TGM3: variants seen among roughly 807,000 people sequenced by gnomAD.
The protein encoded by TGM3 is protein-glutamine gamma-glutamyltransferase E.
Under a neutral mutation model 73.8 loss-of-function variants are expected in TGM3, and 52 were observed. The ratio of observed to expected loss-of-function variants is 0.70; its 90% CI spans 0.56 to 0.89. TGM3 has a LOEUF of 0.89. Among genes scored for constraint, TGM3 ranks in the 40% least tolerant of loss-of-function variants. TGM3 has a pLI of 0.00. For synonymous variants in TGM3, 372 were observed against 354.9 expected (o/e 1.05, Z -0.54); for missense variants, 928 against 909.9 (o/e 1.02, Z -0.26).
chr20:2,310,887 GGAGGGCTAAA>G, intron 3 of TGM3, 114 bp from the exon 4 acceptor site: 1 of 785,738 alleles, frequency 1.3e-6, no homozygotes, highest in Non-Finnish European at 2.2e-6. Context: ...AAGGGTCAGG[GGAGGGCTAAA>G]GGTGGGGCTT....
rs962175101 is a variant in TGM3 at position 2,332,233 on chromosome 20, G to A, written c.1565G>A (p.Trp522Ter). Residue 522 changes from tryptophan (W) to a stop codon, truncating the protein, a stop_gained, in exon 10 of 13, where the codon TGG (tryptophan) becomes TAG (stop). Transcript: ENST00000381458. LOFTEE classifies it high-confidence loss of function. This position sits in a 1 kb window ranked among gnomAD's most constrained non-coding sequence, Gnocchi z 4.4. ...TKTVTVNMTA[W>*]TIIYNGTLVH... ...ACAGTGACAGTGAACATGACAGCCT[G>A]GACCATCATCTACAACGGCACGCTT... The A allele has an allele frequency of 1.2e-6, 2 of 1,613,978 alleles. No individual in the cohort carries two copies. Among genetic ancestry groups the A allele is most frequent in the Admixed American group, 1.7e-5 (1 of 59,990 alleles).
chr20:2,315,972 T>C, intron 5 of TGM3, among the ~76,000 whole-genome samples: 1 of 152,194 alleles, frequency 6.6e-6, no homozygotes, highest in East Asian at 1.9e-4. Context: ...AATTACCTCT[T>C]CAAGGCTGGT....
In TGM3 at chr20:2,312,919, A is replaced by C; in HGVS notation, c.562A>C (p.Ile188Leu). The change falls in exon 5 of 13, where the codon ATC (isoleucine) becomes CTC (leucine). Residue 188 changes from isoleucine to leucine, a missense_variant. Transcript: ENST00000381458. The part of the protein sequence containing the change: ...FGQFEEDILS[I>L]CLSILDRSLN... ...ACAGTTTGAAGAAGACATTCTCAGC[A>C]TCTGCCTCTCAATCTTGGATAGGAG... The C allele has an allele frequency of 6.2e-7, 1 of 1,614,138 alleles. No individual in the cohort carries two copies. The highest frequency in any genetic ancestry group is 2.2e-5 in the East Asian group (1 of 44,866).
chr20:2,329,492 CA>C (rs2122243149), intron 9 of TGM3, among the ~76,000 whole-genome samples: 1 of 152,302 alleles, frequency 6.6e-6, no homozygotes, highest in African/African-American at 2.4e-5. Flanking sequence ...GACCTTTGCT[CA>C]GTCAATAAAC....
chr20:2,313,904 G>A (rs138990261), intron 5 of TGM3, among the ~76,000 whole-genome samples: 4 of 152,062 alleles, frequency 2.6e-5, no homozygotes, highest in South Asian at 2.1e-4. Flanking sequence ...AGGCAGACAC[G>A]GTGGCTCACA....
chr20:2,310,206 G>C lies in TGM3; in HGVS notation c.210G>C (p.Thr70=). The change falls in exon 3 of 13, where the codon ACG becomes ACC. Residue 70 remains threonine (T), a synonymous_variant. Coordinates refer to ENST00000381458, the MANE Select transcript of TGM3 (RefSeq NM_003245.4). ...TGPYPSESAM[T]KAVFPLSNGS... is the part of the protein sequence containing the mutation. ...CTTACCCCTCAGAGTCGGCCATGAC[G>C]AAGGCTGTGTTTCCACTCTCCAATG... is the stretch of plus-strand genomic sequence containing the variant. 1 of 1,614,186 alleles carries C rather than the reference G, an allele frequency of 6.2e-7. No homozygotes were observed. Among genetic ancestry groups the C allele is most frequent in the East Asian group, 2.2e-5 (1 of 44,888 alleles).
chr20:2,324,491 CCT>C (rs2084276641), intron 7 of TGM3, among the ~76,000 whole-genome samples: 1 of 152,188 alleles, frequency 6.6e-6, no homozygotes, highest in East Asian at 1.9e-4. Flanking sequence ...GTTTTGGCTG[CCT>C]ATCTTGGGTC....
At chr20:2,338,192 C>G (rs1185060528) in intron 11 of TGM3, among the ~76,000 whole-genome samples, 1 of 152,110 alleles carries the variant, frequency 6.6e-6, no homozygotes, top group African/African-American at 2.4e-5. Context: ...ACCACAAAAC[C>G]AGGCCAAAAA....
At chr20:2,306,820 A>T (rs960686082) in intron 1 of TGM3, among the ~76,000 whole-genome samples, 2 of 152,240 alleles carry the variant, frequency 1.3e-5, no homozygotes, top group Middle Eastern at 3.4e-3. Flanking sequence ...ACCAAATCTC[A>T]ACTGGCTGGG....
Position 2,311,103 on chromosome 20 carries a change from G to C in TGM3, c.514G>C (p.Gly172Arg). 6.2e-7 allele frequency: 1 copy of C among 1,614,124 alleles called. No homozygotes were observed. The highest frequency in any genetic ancestry group is 8.5e-7 in the Non-Finnish European group (1 of 1,179,976). Residue 172 changes from glycine to arginine, a missense_variant, in exon 4 of 13, where the codon GGC becomes CGC. Physicochemically the swap from Gly to Arg is moderately radical, Grantham distance 125. Coordinates refer to ENST00000381458, the MANE Select transcript of TGM3 (RefSeq NM_003245.4). Reference sequence around the variant, plus strand: ...CTTTGTGGGAAGCACAAACCGAATTGGCATGATTGGCTGGAACTTTGGACA... The same window carrying C: ...CTTTGTGGGAAGCACAAACCGAATTCGCATGATTGGCTGGAACTTTGGACA... ...IIFVGSTNRI[G>R]MIGWNFGQFE...
intron 1 of TGM3, among the ~76,000 whole-genome samples, chr20:2,302,714 T>TATAAAAAAAAAAA (rs2084155437): frequency 9.5e-6 from 1 of 105,262 alleles, no homozygotes; most frequent in Non-Finnish European, 1.9e-5. Flanking sequence ...AGAGGTTTTC[T>TATAAAAAAAAAAA]AAAAAAAAAA....
chr20:2,314,657 G>A lies in TGM3; in HGVS notation c.669+1631G>A, dbSNP rs375143543. Among the ~76,000 whole-genome samples the A allele has an allele frequency of 8.6e-5, 13 of 151,714 alleles. No homozygotes were observed. The East Asian group carries it at 2.5e-3, about 30-fold the overall frequency. Reference sequence around the variant, plus strand: ...AATTGCATGAGTCCGTTAGTTGCAGGCTGCAGTGATCTGTGATTGCGCCAC... The same window carrying A: ...AATTGCATGAGTCCGTTAGTTGCAGACTGCAGTGATCTGTGATTGCGCCAC... On this transcript the variant is annotated intron_variant, in intron 5 of 12. Coordinates refer to ENST00000381458, the MANE Select transcript of TGM3 (RefSeq NM_003245.4).
chr20:2,305,855 T>C (rs214797), intron 1 of TGM3, among the ~76,000 whole-genome samples: 149,742 of 152,352 alleles, frequency 0.98, 73,601 homozygotes, highest in East Asian at 1. Context: ...GTGCCTGCCT[T>C]ATGGAGTTAA....
chr20:2,309,951 T>G (rs2084194508), intron 2 of TGM3, 121 bp downstream of exon 2: 65 of 1,450,058 alleles, frequency 4.5e-5, no homozygotes, highest in Non-Finnish European at 5.8e-5. Flanking sequence ...TGCTCTGTCA[T>G]TGATTCAGTG....
chr20:2,316,437 CA>C (rs776704579), intron 5 of TGM3, among the ~76,000 whole-genome samples: 18 of 55,302 alleles, frequency 3.3e-4, no homozygotes, highest in Non-Finnish European at 7.1e-4. Context: ...TGGTGGCACG[CA>C]TTAACACCAG....
chr20:2,300,232 GAAAA>G (rs963351916), intron 1 of TGM3, among the ~76,000 whole-genome samples: 3 of 37,996 alleles, frequency 7.9e-5, no homozygotes, highest in East Asian at 4.8e-3. Flanking sequence ...AAGAAAGAAA[GAAAA>G]AAAGAAAGAA....
In TGM3 at chr20:2,296,026, C is replaced by T; in HGVS notation, c.-38C>T. On this transcript the variant is annotated 5_prime_UTR_variant, in exon 1 of 13. Transcript: ENST00000381458. Reference sequence around the variant, plus strand: ...GTCTGTCAGCACTGTCCGTGCCATTCCCAGAGGAGCCTGAGAAGAGGCAGA... The same window carrying T: ...GTCTGTCAGCACTGTCCGTGCCATTTCCAGAGGAGCCTGAGAAGAGGCAGA... The T allele has an allele frequency of 6.4e-7, 1 of 1,551,386 alleles. No homozygotes were observed. The highest frequency in any genetic ancestry group is 8.7e-7 in the Non-Finnish European group (1 of 1,146,812).
At position 2,340,528 on chromosome 20, in the gene TGM3, T is replaced by C. The variant is rs759127543; in HGVS notation, c.2029T>C (p.Cys677Arg). The change falls in exon 13 of 13, where the codon TGC becomes CGC. Residue 677 changes from cysteine (C) to arginine (R), a missense_variant. Coordinates refer to ENST00000381458, the MANE Select transcript of TGM3 (RefSeq NM_003245.4). ...CAAGCAACTGCTCGCCGACTTCTCC[T>C]GCAACAAGTTCCCTGCAATCAAGGC... ...GTKQLLADFS[C>R]NKFPAIKAML... 3.1e-6 allele frequency: 5 copies of C among 1,614,200 alleles called. No homozygotes were observed. Among genetic ancestry groups the C allele is most frequent in the Non-Finnish European group, 4.2e-6 (5 of 1,180,030 alleles).
chr20:2,311,202 C>A, intron 4 of TGM3, 73 bp downstream of exon 4: 2 of 1,235,056 alleles, frequency 1.6e-6, no homozygotes, highest in South Asian at 2.4e-5. Flanking sequence ...CCCCACAGAT[C>A]AATGGGAAGT....
Sources: gnomAD v4.1 joint callset for allele counts (sites outside exome capture counted in the v4.1 genomes callset) on GRCh38, gnomAD v4.1.1 for gene constraint, Gnocchi (gnomAD v3.1) non-coding constraint, MANE v1.5 for transcripts, NCBI Gene and HGNC (gene_info 2026-07-23, HGNC 2026-07-21) for gene names.